RGS7: variants seen among roughly 807,000 people sequenced by gnomAD.
The protein encoded by RGS7 is regulator of G protein signaling 7, also known as regulator of G-protein signaling 7.
RGS7 carries 27 observed loss-of-function variants against 81.1 expected under a neutral mutation model. The observed-to-expected ratio is 0.33, with a 90% CI of 0.25 to 0.46. The LOEUF (loss-of-function observed/expected upper bound fraction) is 0.46, where lower values mean the gene tolerates loss of function less well. Ranked by LOEUF, RGS7 falls within the 20% of genes least tolerant of loss-of-function variation. The pLI is 1.00. For synonymous variants in RGS7, 208 were observed against 207.7 expected (o/e 1.00, Z -0.01); for missense variants, 396 against 607.4 (o/e 0.65, Z 3.66).
intron 6 of RGS7, among the ~76,000 whole-genome samples, chr1:240,912,212 G>T (rs1470086299): frequency 7.2e-6 from 1 of 139,040 alleles, no homozygotes; most frequent in Non-Finnish European, 1.5e-5. Context: ...GATAATGTAT[G>T]TAAAGGTGTG....
At chr1:241,201,876 T>C (rs937265169) in intron 2 of RGS7, among the ~76,000 whole-genome samples, 2 of 152,046 alleles carry the variant, frequency 1.3e-5, no homozygotes, top group African/African-American at 4.8e-5. Flanking sequence ...TCAATTTTCT[T>C]TATACTTCGC....
intron 2 of RGS7, among the ~76,000 whole-genome samples, chr1:241,351,823 G>A (rs967351690): frequency 1.3e-5 from 2 of 152,118 alleles, no homozygotes; most frequent in Non-Finnish European, 2.9e-5. Context: ...GTAAGATAAT[G>A]AATGAGGAAA....
intron 3 of RGS7, among the ~76,000 whole-genome samples, chr1:241,039,709 C>G (rs1339900879): frequency 6.6e-6 from 1 of 152,080 alleles, no homozygotes; most frequent in Non-Finnish European, 1.5e-5. Context: ...AGGAAAATCC[C>G]CTGCCCACGA....
At chr1:241,106,752 C>CACA (rs1553421292) in intron 2 of RGS7, among the ~76,000 whole-genome samples, 3 of 121,644 alleles carry the variant, frequency 2.5e-5, no homozygotes, top group African/African-American at 9.9e-5. Flanking sequence ...AACACCACCA[C>CACA]CACACACACA....
At chr1:240,915,259 C>T (rs544343429) in intron 6 of RGS7, among the ~76,000 whole-genome samples, 1 of 152,274 alleles carries the variant, frequency 6.6e-6, no homozygotes, top group Non-Finnish European at 1.5e-5. Context: ...AAATATCCAA[C>T]TCCAGCCCCT....
intron 2 of RGS7, among the ~76,000 whole-genome samples, chr1:241,110,400 G>A (rs1230229578): frequency 6.6e-6 from 1 of 152,094 alleles, no homozygotes; most frequent in Non-Finnish European, 1.5e-5. Flanking sequence ...GAATCAACTT[G>A]AAATTCAGCA....
At chr1:241,313,775 C>T (rs1037714033) in intron 2 of RGS7, among the ~76,000 whole-genome samples, 3 of 152,160 alleles carry the variant, frequency 2.0e-5, no homozygotes, top group African/African-American at 7.2e-5. Context: ...TTCTAGATGT[C>T]ATTAAGAACT....
At chr1:241,244,230 G>C (rs954877388) in intron 2 of RGS7, among the ~76,000 whole-genome samples, 4 of 151,994 alleles carry the variant, frequency 2.6e-5, no homozygotes, top group African/African-American at 9.7e-5. Flanking sequence ...CTAATATCCA[G>C]AATCTACAAT....
intron 9 of RGS7, among the ~76,000 whole-genome samples, chr1:240,859,753 G>A (rs1047819629): frequency 2.0e-5 from 3 of 151,540 alleles, no homozygotes; most frequent in Non-Finnish European, 2.9e-5. Context: ...ACTTACTTTG[G>A]ATTTAACTTG....
At chr1:241,063,982 G>A (rs532781985) in intron 3 of RGS7, among the ~76,000 whole-genome samples, 124 of 151,664 alleles carry the variant, frequency 8.2e-4, no homozygotes, top group Middle Eastern at 6.8e-3. Flanking sequence ...CTGGGAGTTC[G>A]AGACCAGTCT....
rs572462749 is a variant in RGS7 at position 241,315,390 on chromosome 1, T to C, written c.78+40309A>G. Among the ~76,000 whole-genome samples, 10 of 152,186 alleles carry C rather than the reference T, an allele frequency of 6.6e-5. No individual in the cohort carries two copies. In the East Asian group the frequency reaches 1.9e-3, roughly 29 times the overall value. On this transcript the variant is annotated intron_variant, in intron 2 of 18. Transcript: ENST00000440928. ...CTGATAATAGCTAATCCCTATAGCC[T>C]TGCAATTTCAGAATAGGGGGAAAAT...
intron 2 of RGS7, among the ~76,000 whole-genome samples, chr1:241,170,172 C>T (rs1379878707): frequency 2.0e-5 from 3 of 152,002 alleles, no homozygotes; most frequent in Non-Finnish European, 2.9e-5. Flanking sequence ...AAATATATCA[C>T]GGGTATCATT....
intron 2 of RGS7, among the ~76,000 whole-genome samples, chr1:241,099,445 CAT>C (rs772474084): frequency 6.6e-6 from 1 of 152,136 alleles, no homozygotes; most frequent in South Asian, 2.1e-4. Context: ...CACACACACA[CAT>C]ATGTATACAA....
intron 2 of RGS7, among the ~76,000 whole-genome samples, chr1:241,313,013 G>C (rs529380521): frequency 6.6e-6 from 1 of 152,292 alleles, no homozygotes; most frequent in African/African-American, 2.4e-5. Flanking sequence ...ATTCTCATAA[G>C]CCAAACCCTA....
chr1:241,025,951 G>A (rs560245946), intron 3 of RGS7, among the ~76,000 whole-genome samples: 6 of 152,264 alleles, frequency 3.9e-5, no homozygotes, highest in East Asian at 1.9e-4. Context: ...CATGCTGTTC[G>A]TGCAGCACAT....
At chr1:240,840,279 CTT>C (rs879372018) in intron 9 of RGS7, among the ~76,000 whole-genome samples, 1 of 146,304 alleles carries the variant, frequency 6.8e-6, no homozygotes, top group African/African-American at 2.5e-5. Flanking sequence ...CTTTTCTTTT[CTT>C]TTTTTTTTTT....
At chr1:241,175,607 C>T (rs1017675906) in intron 2 of RGS7, among the ~76,000 whole-genome samples, 2 of 152,154 alleles carry the variant, frequency 1.3e-5, no homozygotes, top group African/African-American at 2.4e-5. Flanking sequence ...ATGATAAATA[C>T]CATAAGAGGG....
intron 2 of RGS7, among the ~76,000 whole-genome samples, chr1:241,131,591 C>G (rs58723016): frequency 3.4e-5 from 5 of 148,392 alleles, no homozygotes; most frequent in Non-Finnish European, 5.9e-5. Flanking sequence ...TGTCTGGGAG[C>G]TGGGGGCAAA....
intron 2 of RGS7, among the ~76,000 whole-genome samples, chr1:241,276,657 A>G (rs1573471222): frequency 6.6e-6 from 1 of 152,324 alleles, no homozygotes; most frequent in East Asian, 1.9e-4. Flanking sequence ...TGTATTGAGC[A>G]TCTTCTCTGA....
Sources: gnomAD v4.1 joint callset for allele counts (sites outside exome capture counted in the v4.1 genomes callset) on GRCh38, gnomAD v4.1.1 for gene constraint, MANE v1.5 for transcripts, NCBI Gene and HGNC (gene_info 2026-07-23, HGNC 2026-07-21) for gene names.